The following GABRA3 variants were observed in gnomAD, a reference collection of about 807,000 sequenced individuals.
GABRA3 encodes gamma-aminobutyric acid type A receptor subunit alpha3, also known as gamma-aminobutyric acid receptor subunit alpha-3.
In GABRA3, 10 loss-of-function variants were observed where a neutral mutation model predicts 30.1. The ratio of observed to expected loss-of-function variants is 0.33; its 90% CI spans 0.20 to 0.56. The LOEUF is 0.56. Among genes scored for constraint, GABRA3 ranks in the 20% least tolerant of loss-of-function variants. GABRA3 has a pLI of 0.89. For missense variants in GABRA3, 233 were observed against 392.0 expected (o/e 0.59, Z 3.42); for synonymous variants, 151 against 146.8 (o/e 1.03, Z -0.21).
chrX:152,235,549 G>A (rs1223665472), intron 5 of GABRA3, among the ~76,000 whole-genome samples: 4 of 94,832 alleles, frequency 4.2e-5, no homozygotes, highest in African/African-American at 1.8e-4. Flanking sequence ...GCAGGATACA[G>A]AATCAACGGG....
chrX:152,210,310 A>T (rs754563574), intron 6 of GABRA3, among the ~76,000 whole-genome samples: 1 of 112,259 alleles, frequency 8.9e-6, no homozygotes, highest in South Asian at 3.7e-4. Context: ...TGTTTAAAAT[A>T]TAGCCATCTC....
intron 1 of GABRA3, among the ~76,000 whole-genome samples, chrX:152,377,558 C>T (rs1026162074): frequency 4.5e-5 from 5 of 109,996 alleles, no homozygotes; most frequent in Admixed American, 9.7e-5. Context: ...AAACCCAAAA[C>T]TGTACAGATG....
intron 6 of GABRA3, among the ~76,000 whole-genome samples, chrX:152,219,811 C>G (rs192631211): frequency 3.7e-5 from 4 of 107,603 alleles, no homozygotes; most frequent in African/African-American, 1.4e-4. Context: ...ACTACACACA[C>G]AGTATTCTAA....
chrX:152,407,973 T>C (rs1929976881), intron 1 of GABRA3, among the ~76,000 whole-genome samples: 1 of 111,418 alleles, frequency 9.0e-6, no homozygotes, highest in Admixed American at 9.5e-5. Flanking sequence ...ACAAAAACCA[T>C]ATGATCATTT....
chrX:152,172,284 A>T, intron 9 of GABRA3, among the ~76,000 whole-genome samples: 1 of 111,803 alleles, frequency 8.9e-6, no homozygotes. Flanking sequence ...ACTACCAAAA[A>T]ACCCCAGAAA....
intron 3 of GABRA3, among the ~76,000 whole-genome samples, chrX:152,306,301 T>C (rs1939720007): frequency 8.9e-6 from 1 of 112,096 alleles, no homozygotes; most frequent in African/African-American, 3.2e-5. Flanking sequence ...AAAGCTTAGA[T>C]GTATATTCCC....
chrX:152,357,609 G>C (rs970182083), intron 2 of GABRA3, among the ~76,000 whole-genome samples: 1 of 111,618 alleles, frequency 9.0e-6, no homozygotes, highest in Admixed American at 9.5e-5. Context: ...TTGCTGTGCA[G>C]AAGCTCTTTC....
chrX:152,414,540 C>G (rs1391946637), intron 1 of GABRA3, among the ~76,000 whole-genome samples: 1 of 111,184 alleles, frequency 9.0e-6, no homozygotes, highest in Non-Finnish European at 1.9e-5. Context: ...ATACCAAATG[C>G]TGATGAGGAT....
intron 9 of GABRA3, 75 bp from the exon 10 acceptor site, chrX:152,168,638 C>T: frequency 1.2e-6 from 1 of 805,028 alleles, no homozygotes; most frequent in Admixed American, 2.6e-5. Context: ...AGAGAACCTT[C>T]AGAGGCTGCA....
chrX:152,368,320 C>G (rs189571253), intron 1 of GABRA3, among the ~76,000 whole-genome samples: 166 of 111,757 alleles, frequency 1.5e-3, no homozygotes, highest in African/African-American at 5.2e-3. Flanking sequence ...CTGGTAACCA[C>G]CATTCTACTC....
chrX:152,249,358 A>G (rs1295035524), intron 5 of GABRA3, among the ~76,000 whole-genome samples: 1 of 111,711 alleles, frequency 9.0e-6, no homozygotes, highest in African/African-American at 3.2e-5. Flanking sequence ...GAGCAGTAAC[A>G]TGAAGCTAGA....
intron 1 of GABRA3, among the ~76,000 whole-genome samples, chrX:152,403,590 GTGT>G (rs1312047291): frequency 2.7e-5 from 3 of 109,107 alleles, no homozygotes; most frequent in African/African-American, 1.0e-4. Context: ...GTGTGTGTGT[GTGT>G]TATTTCACCA....
chrX:152,284,887 CA>C (rs1220614875), intron 3 of GABRA3, 152 bp from the exon 4 acceptor site: 16 of 334,474 alleles, frequency 4.8e-5, no homozygotes, highest in Non-Finnish European at 7.1e-5. Context: ...TATCTCTTCA[CA>C]GGGAACATGC....
chrX:152,182,517 T>C (rs1441996356), intron 9 of GABRA3, among the ~76,000 whole-genome samples: 3 of 83,046 alleles, frequency 3.6e-5, no homozygotes, highest in African/African-American at 8.9e-5. Context: ...CTCTATATAG[T>C]ATACACACTA....
At chrX:152,380,062 A>T (rs1014107473) in intron 1 of GABRA3, among the ~76,000 whole-genome samples, 3 of 111,879 alleles carry the variant, frequency 2.7e-5, no homozygotes, top group Non-Finnish European at 5.6e-5. Context: ...GATTAAATCA[A>T]GATGATTAAC....
At chrX:152,226,993 A>G (rs1280430723) in intron 5 of GABRA3, among the ~76,000 whole-genome samples, 1 of 111,016 alleles carries the variant, frequency 9.0e-6, no homozygotes, top group Non-Finnish European at 1.9e-5. Flanking sequence ...AGGGATCTAG[A>G]ACTAGAAATA....
At chrX:152,171,814 C>T (rs921342677) in intron 9 of GABRA3, among the ~76,000 whole-genome samples, 1 of 111,821 alleles carries the variant, frequency 8.9e-6, no homozygotes, top group Non-Finnish European at 1.9e-5. Context: ...AGTTTGAATC[C>T]AGAACAGGAA....
In GABRA3 at chrX:152,283,469, A is replaced by C. The variant is rs186492138; in HGVS notation, c.330+1199T>G. Among the ~76,000 whole-genome samples, 258 of 111,821 alleles carry C rather than the reference A, an allele frequency of 2.3e-3. 2 individuals are homozygous for C. The highest frequency in any genetic ancestry group is 8.1e-3 in the African/African-American group (250 of 30,764). ...CACATACTGATGATTTCTTCTCCTGAGAACTAGCCAGCTTTTCCAATTGAC... is the reference window on the plus strand; with the variant it reads ...CACATACTGATGATTTCTTCTCCTGCGAACTAGCCAGCTTTTCCAATTGAC... On this transcript the variant is annotated intron_variant, in intron 4 of 9. Coordinates refer to ENST00000370314, the MANE Select transcript of GABRA3 (RefSeq NM_000808.4).
chrX:152,225,807 A>G (rs1370014809), intron 5 of GABRA3, among the ~76,000 whole-genome samples: 1 of 110,093 alleles, frequency 9.1e-6, no homozygotes, highest in Non-Finnish European at 1.9e-5. Context: ...AGCTACTTCT[A>G]ACTAGCCTTT....
Sources: allele counts gnomAD v4.1 joint callset (sites outside exome capture counted in the v4.1 genomes callset), GRCh38; gene constraint gnomAD v4.1.1; transcripts MANE v1.5; gene names NCBI Gene and HGNC (gene_info 2026-07-23, HGNC 2026-07-21).